The following MTUS2 variants were observed in gnomAD, a reference collection of about 807,000 sequenced individuals.
The protein encoded by MTUS2 is microtubule associated scaffold protein 2, also known as microtubule-associated tumor suppressor candidate 2.
In MTUS2, 40 loss-of-function variants were observed where a neutral mutation model predicts 114.1. The observed-to-expected ratio is 0.35, with a 90% CI of 0.27 to 0.46. The LOEUF is 0.46. Among genes scored for constraint, MTUS2 ranks in the 20% least tolerant of loss-of-function variants. The pLI, the probability that MTUS2 is intolerant of heterozygous loss-of-function variation, is 1.00. For synonymous variants in MTUS2, 688 were observed against 672.0 expected (o/e 1.02, Z -0.37); for missense variants, 1,679 against 1,705.4 (o/e 0.98, Z 0.27).
chr13:29,399,149 T>A (rs1014835141), intron 8 of MTUS2, among the ~76,000 whole-genome samples: 3 of 152,226 alleles, frequency 2.0e-5, no homozygotes, highest in African/African-American at 7.2e-5. Context: ...GCTTCCCCTT[T>A]ATAGATCATA....
chr13:29,277,577 C>T (rs759754018), intron 5 of MTUS2, among the ~76,000 whole-genome samples: 6 of 152,126 alleles, frequency 3.9e-5, no homozygotes, highest in Admixed American at 6.5e-5. Flanking sequence ...ACCAATGAAA[C>T]GGAATAGAGA....
At chr13:28,978,704 C>T (rs1190699647) in intron 2 of MTUS2, among the ~76,000 whole-genome samples, 3 of 152,214 alleles carry the variant, frequency 2.0e-5, no homozygotes, top group Non-Finnish European at 1.5e-5. Context: ...GAGTGTAATT[C>T]CTCATGATAA....
chr13:28,950,312 T>A (rs560243262), intron 2 of MTUS2, among the ~76,000 whole-genome samples: 112 of 152,358 alleles, frequency 7.4e-4, no homozygotes, highest in African/African-American at 2.6e-3. Flanking sequence ...TGTTTGTTGT[T>A]GAGCTGTGGA....
chr13:29,048,832 G>T (rs1163321550), intron 4 of MTUS2, among the ~76,000 whole-genome samples: 1 of 152,088 alleles, frequency 6.6e-6, no homozygotes, highest in African/African-American at 2.4e-5. Flanking sequence ...TTGCTGTGAT[G>T]CTGTAAATCC....
intron 2 of MTUS2, among the ~76,000 whole-genome samples, chr13:29,004,610 T>C (rs1885526644): frequency 6.6e-6 from 1 of 152,246 alleles, no homozygotes; most frequent in Non-Finnish European, 1.5e-5. Context: ...ATGTGTATCA[T>C]CAGAAGTTGC....
intron 2 of MTUS2, among the ~76,000 whole-genome samples, chr13:28,953,800 C>T (rs1051325004): frequency 6.6e-6 from 1 of 152,028 alleles, no homozygotes; most frequent in Non-Finnish European, 1.5e-5. Context: ...AGTAAAATTA[C>T]TTTGTGTAAT....
chr13:29,122,564 A>ATGTGGGAAT (rs1491288344), intron 5 of MTUS2, among the ~76,000 whole-genome samples: 1 of 150,780 alleles, frequency 6.6e-6, no homozygotes, highest in Non-Finnish European at 1.5e-5. Flanking sequence ...CTCCCATGAC[A>ATGTGGGAAT]TGTGGGAATT....
intron 4 of MTUS2, among the ~76,000 whole-genome samples, chr13:29,042,634 T>C (rs1887424284): frequency 6.6e-6 from 1 of 152,116 alleles, no homozygotes; most frequent in Non-Finnish European, 1.5e-5. Context: ...TATTATCATT[T>C]CAATCTTGCT....
intron 8 of MTUS2, among the ~76,000 whole-genome samples, chr13:29,371,248 C>T (rs968707329): frequency 5.7e-5 from 8 of 140,764 alleles, no homozygotes; most frequent in Admixed American, 2.9e-4. Context: ...GATGGAGTCT[C>T]GCTCTCTTGC....
intron 2 of MTUS2, among the ~76,000 whole-genome samples, chr13:28,981,705 GGCCTCCT>G (rs1884365814): frequency 6.6e-6 from 1 of 152,110 alleles, no homozygotes; most frequent in Admixed American, 6.5e-5. Flanking sequence ...CTTGGCAATG[GGCCTCCT>G]GCCCAGTGAC....
intron 11 of MTUS2, among the ~76,000 whole-genome samples, chr13:29,492,213 A>ATTG (rs1566236106): frequency 5.4e-4 from 2 of 3,672 alleles, no homozygotes; most frequent in Admixed American, 7.9e-3. Flanking sequence ...TGTGTATGTG[A>ATTG]TGTGTGGTAG....
At chr13:29,060,009 G>A (rs1888334963) in intron 4 of MTUS2, among the ~76,000 whole-genome samples, 1 of 152,194 alleles carries the variant, frequency 6.6e-6, no homozygotes, top group African/African-American at 2.4e-5. Flanking sequence ...GGTGGGTTGG[G>A]TCACCTGTCC....
intron 4 of MTUS2, among the ~76,000 whole-genome samples, chr13:29,047,889 T>C (rs938344458): frequency 1.3e-5 from 2 of 152,260 alleles, no homozygotes; most frequent in African/African-American, 4.8e-5. Context: ...ACTTAAACTC[T>C]GGAAGTTTCA....
chr13:28,854,082 A>G (rs981520237), intron 2 of MTUS2, among the ~76,000 whole-genome samples: 3 of 152,184 alleles, frequency 2.0e-5, no homozygotes, highest in Non-Finnish European at 4.4e-5. Flanking sequence ...GGGACTTGCT[A>G]TTCAAAGCGT....
Position 29,498,504 on chromosome 13 carries a change from G to A in MTUS2, c.3765G>A (p.Glu1255=), listed in dbSNP as rs1882696266. The change falls in exon 14 of 16, where the codon GAG becomes GAA. Residue 1255 remains glutamate, a synonymous_variant. Coordinates refer to ENST00000612955, the MANE Select transcript of MTUS2 (RefSeq NM_001033602.4). The part of the protein sequence containing the change: ...VLEMKNQQIH[E]QEKKILELEK... The stretch of plus-strand genomic sequence containing the variant: ...AAATGAAGAATCAGCAAATACACGA[G>A]CAAGAAAAGAAGATTCTTGAGCTGG... The A allele has an allele frequency of 6.2e-7, 1 of 1,614,208 alleles. No individual in the cohort carries two copies.
chr13:29,044,539 C>T (rs2138572827), intron 4 of MTUS2, among the ~76,000 whole-genome samples: 1 of 152,254 alleles, frequency 6.6e-6, no homozygotes, highest in African/African-American at 2.4e-5. Context: ...AATTCTTCCT[C>T]TTCAGGGACT....
At chr13:29,247,586 A>G (rs1036049187) in intron 5 of MTUS2, among the ~76,000 whole-genome samples, 1 of 152,188 alleles carries the variant, frequency 6.6e-6, no homozygotes, top group African/African-American at 2.4e-5. Context: ...AAAAGTGGGC[A>G]AAAGACATAA....
At chr13:29,396,797 C>A (rs891184485) in intron 8 of MTUS2, among the ~76,000 whole-genome samples, 1 of 152,264 alleles carries the variant, frequency 6.6e-6, no homozygotes, top group African/African-American at 2.4e-5. Flanking sequence ...GGCAACCTCA[C>A]TGTTGCTTTT....
At chr13:29,270,582 G>A (rs571149514) in intron 5 of MTUS2, among the ~76,000 whole-genome samples, 1 of 152,324 alleles carries the variant, frequency 6.6e-6, no homozygotes, top group South Asian at 2.1e-4. Context: ...GGCATTCTCT[G>A]AGTTTCTAGT....
Sources: allele counts gnomAD v4.1 joint callset (sites outside exome capture counted in the v4.1 genomes callset), GRCh38; gene constraint gnomAD v4.1.1; transcripts MANE v1.5; gene names NCBI Gene and HGNC (gene_info 2026-07-23, HGNC 2026-07-21).